Variants in CBFB observed in about 807,000 individuals in gnomAD.
CBFB encodes core-binding factor subunit beta, also known as CBF-beta.
Under a neutral mutation model 30.4 loss-of-function variants are expected in CBFB, and 9 were observed. The ratio of observed to expected loss-of-function variants is 0.30; its 90% CI spans 0.18 to 0.52. CBFB has a LOEUF of 0.52. Among genes scored for constraint, CBFB ranks in the 20% least tolerant of loss-of-function variants. The probability of loss-of-function intolerance (pLI) is 0.97; values close to 1 mark genes in which losing one functional copy is unlikely to be tolerated. For missense variants in CBFB, 170 were observed against 244.0 expected (o/e 0.70, Z 2.02); for synonymous variants, 94 against 84.0 (o/e 1.12, Z -0.65).
chr16:67,048,962 G>A (rs1283505506), intron 3 of CBFB, among the ~76,000 whole-genome samples: 1 of 151,532 alleles, frequency 6.6e-6, no homozygotes, highest in African/African-American at 2.4e-5. Context: ...TGGGATTACA[G>A]GCATGTGCCA....
At chr16:67,085,152 GTGTGTGTGTCTC>G (rs971813600) in intron 5 of CBFB, among the ~76,000 whole-genome samples, 85 of 151,764 alleles carry the variant, frequency 5.6e-4, no homozygotes, top group South Asian at 2.3e-3. Context: ...TTGTGTGTGT[GTGTGTGTGTCTC>G]TGTGTGTGTC....
chr16:67,061,619 T>C (rs1960912943), intron 3 of CBFB, among the ~76,000 whole-genome samples: 1 of 152,228 alleles, frequency 6.6e-6, no homozygotes, highest in Non-Finnish European at 1.5e-5. Context: ...AAACATTTAC[T>C]TTGAAGATGT....
chr16:67,029,506 G>T (rs1378185218), intron 1 of CBFB, 21 bp downstream of exon 1: 1 of 1,575,618 alleles, frequency 6.3e-7, no homozygotes, highest in African/African-American at 1.4e-5. Context: ...CGGGCGGGCG[G>T]CTAGGAGGCC....
chr16:67,082,173 TAAATCA>T, intron 4 of CBFB, 34 bp from the exon 5 acceptor site: 2 of 1,425,746 alleles, frequency 1.4e-6, no homozygotes, highest in Non-Finnish European at 1.9e-6. Flanking sequence ...ATTTTTTTTA[TAAATCA>T]AAATTAAAAT....
At chr16:67,093,618 T>C (rs1367020848) in intron 5 of CBFB, 1 of 152,124 alleles carries the variant, frequency 6.6e-6, no homozygotes, top group Non-Finnish European at 1.5e-5. Flanking sequence ...GGAGAGCAAC[T>C]GGTAGTAAGA....
chr16:67,084,429 T>C (rs1029239865), intron 5 of CBFB, among the ~76,000 whole-genome samples: 3 of 152,132 alleles, frequency 2.0e-5, no homozygotes, highest in Non-Finnish European at 4.4e-5. Context: ...ATTAGGTACC[T>C]AAGATTGTTA....
chr16:67,091,733 A>T (rs762038860), intron 5 of CBFB, among the ~76,000 whole-genome samples: 6 of 151,782 alleles, frequency 4.0e-5, no homozygotes, highest in African/African-American at 1.2e-4. Context: ...CCTTTTTAAA[A>T]TTTTTTTTTA....
chr16:67,029,980 G>A, intron 2 of CBFB, 167 bp downstream of exon 2: 1 of 482,938 alleles, frequency 2.1e-6, no homozygotes, highest in Non-Finnish European at 3.6e-6. Context: ...CCGCGGGCCG[G>A]TACTCGCGGG....
At chr16:67,054,960 G>C (rs1308752695) in intron 3 of CBFB, among the ~76,000 whole-genome samples, 9 of 150,862 alleles carry the variant, frequency 6.0e-5, no homozygotes, top group Non-Finnish European at 1.0e-4. Flanking sequence ...TAGAGACAGG[G>C]TTTCACCAAG....
At chr16:67,075,197 A>ATACG (rs369475383) in intron 4 of CBFB, among the ~76,000 whole-genome samples, 2,029 of 142,752 alleles carry the variant, frequency 0.014, 42 homozygotes, top group African/African-American at 0.042. Context: ...CTCAAAAAAA[A>ATACG]TGTGTGTGTG....
intron 3 of CBFB, among the ~76,000 whole-genome samples, chr16:67,050,876 A>G (rs1003787598): frequency 6.6e-6 from 1 of 152,214 alleles, no homozygotes; most frequent in East Asian, 1.9e-4. Flanking sequence ...TTATTTGAAC[A>G]TAAGCACTGC....
intron 4 of CBFB, among the ~76,000 whole-genome samples, chr16:67,076,270 TG>T (rs1567619577): frequency 6.6e-6 from 1 of 152,050 alleles, no homozygotes; most frequent in Non-Finnish European, 1.5e-5. Flanking sequence ...GGCATGCACT[TG>T]TAGTCCTAGT....
chr16:67,036,807 A>G, intron 3 of CBFB, 52 bp downstream of exon 3: 1 of 972,440 alleles, frequency 1.0e-6, no homozygotes, highest in Non-Finnish European at 1.7e-6. Flanking sequence ...TTTGTTAGAG[A>G]TTATCTGGTA....
intron 4 of CBFB, among the ~76,000 whole-genome samples, chr16:67,074,341 T>C (rs888525093): frequency 2.6e-5 from 4 of 151,634 alleles, no homozygotes; most frequent in African/African-American, 9.7e-5. Context: ...TTCACAAAAA[T>C]CAATTTCAGA....
rs533860329 is a variant in CBFB at position 67,095,497 on chromosome 16, C to T, written c.496-3213C>T. Among the ~76,000 whole-genome samples, 9 of 152,162 alleles carry T rather than the reference C, an allele frequency of 5.9e-5. No homozygotes were observed. In the East Asian group the frequency reaches 1.4e-3, roughly 23 times the overall value. ...GCGTCACTGCGCTCCAGCCTGGCGA[C>T]AGAGCAAAGCTTTTTGCTCAAACAA... On this transcript the variant is annotated intron_variant, in intron 5 of 5. Transcript: ENST00000412916.
rs936486160 is a variant in CBFB at position 67,072,898 on chromosome 16, A to G, written c.399+6100A>G. On this transcript the variant is annotated intron_variant, in intron 4 of 5. Coordinates refer to ENST00000412916, the MANE Select transcript of CBFB (RefSeq NM_022845.3). ...GGCTAATTTTTTTTATCTTTTGTAG[A>G]GATGAGGTCTTACCATGTTGGCCAG... Among the ~76,000 whole-genome samples the G allele has an allele frequency of 2.6e-4, 39 of 151,666 alleles. 1 individual carries two copies. Among genetic ancestry groups the G allele is most frequent in the African/African-American group, 9.2e-4 (38 of 41,268 alleles).
chr16:67,067,148 T>C (rs1478757114), intron 4 of CBFB, among the ~76,000 whole-genome samples: 11 of 151,862 alleles, frequency 7.2e-5, no homozygotes, highest in Admixed American at 5.3e-4. Flanking sequence ...TTTGGAATGC[T>C]TGAGTGAGGA....
chr16:67,083,140 C>T (rs1423126621), intron 5 of CBFB, among the ~76,000 whole-genome samples: 3 of 152,070 alleles, frequency 2.0e-5, no homozygotes, highest in Non-Finnish European at 4.4e-5. Context: ...GATTGTGCCA[C>T]TGTATTCCAG....
At chr16:67,053,609 G>T (rs1468488857) in intron 3 of CBFB, among the ~76,000 whole-genome samples, 3 of 151,846 alleles carry the variant, frequency 2.0e-5, no homozygotes, top group Non-Finnish European at 4.4e-5. Flanking sequence ...CAGAATCTTA[G>T]GGTCAAGTCC....
Sources: gnomAD v4.1 joint callset for allele counts (sites outside exome capture counted in the v4.1 genomes callset) on GRCh38, gnomAD v4.1.1 for gene constraint, MANE v1.5 for transcripts, NCBI Gene and HGNC (gene_info 2026-07-23, HGNC 2026-07-21) for gene names.